The following SUGCT variants were observed in gnomAD, a reference collection of about 807,000 sequenced individuals.
The protein encoded by SUGCT is succinyl-CoA:glutarate CoA-transferase.
Under a neutral mutation model 55.0 loss-of-function variants are expected in SUGCT, and 41 were observed. The ratio of observed to expected loss-of-function variants is 0.74; its 90% CI spans 0.58 to 0.97. SUGCT has a LOEUF of 0.97. Among genes scored for constraint, SUGCT ranks in the 50% least tolerant of loss-of-function variants. The pLI is 0.00. For synonymous variants in SUGCT, 187 were observed against 200.4 expected (o/e 0.93, Z 0.56); for missense variants, 568 against 547.8 (o/e 1.04, Z -0.37).
intron 1 of SUGCT, among the ~76,000 whole-genome samples, chr7:40,141,133 C>T (rs528454981): frequency 2.7e-5 from 4 of 150,882 alleles, no homozygotes; most frequent in Non-Finnish European, 2.9e-5. Flanking sequence ...TTCTTGGTTT[C>T]GTCCTCGGGT....
At chr7:40,141,477 A>G (rs1489440713) in intron 1 of SUGCT, among the ~76,000 whole-genome samples, 1 of 151,974 alleles carries the variant, frequency 6.6e-6, no homozygotes, top group East Asian at 1.9e-4. Context: ...TAGTAAAAAT[A>G]CAAAAAAATA....
chr7:40,240,264 A>G (rs1161112908), intron 7 of SUGCT, among the ~76,000 whole-genome samples: 1 of 152,102 alleles, frequency 6.6e-6, no homozygotes, highest in African/African-American at 2.4e-5. Flanking sequence ...TGGGCGGGTC[A>G]CCTGAGTTCG....
intron 9 of SUGCT, among the ~76,000 whole-genome samples, chr7:40,442,200 C>T (rs1172873181): frequency 2.0e-5 from 3 of 152,132 alleles, no homozygotes. Context: ...CAAGTCCCTT[C>T]TCTAATGCTA....
intron 12 of SUGCT, among the ~76,000 whole-genome samples, chr7:40,748,605 A>G (rs977682257): frequency 6.6e-6 from 1 of 151,788 alleles, no homozygotes; most frequent in Non-Finnish European, 1.5e-5. Context: ...ATAAGAATTT[A>G]TAAAAATATA....
At chr7:40,135,515 A>G (rs1787634831) in intron 1 of SUGCT, among the ~76,000 whole-genome samples, 1 of 152,262 alleles carries the variant, frequency 6.6e-6, no homozygotes, top group Non-Finnish European at 1.5e-5. Context: ...ATGTACAATA[A>G]AAGATGCCCT....
At chr7:40,279,148 G>T (rs889936417) in intron 8 of SUGCT, among the ~76,000 whole-genome samples, 2 of 151,930 alleles carry the variant, frequency 1.3e-5, no homozygotes, top group African/African-American at 4.8e-5. Flanking sequence ...GATCTTACCA[G>T]ATCTTACATT....
At chr7:40,492,057 T>A (rs1791713382) in intron 11 of SUGCT, among the ~76,000 whole-genome samples, 1 of 151,906 alleles carries the variant, frequency 6.6e-6, no homozygotes, top group African/African-American at 2.4e-5. Context: ...TCACAAGAAC[T>A]CCAGGTAGAA....
chr7:40,662,375 T>C (rs1801372838), intron 12 of SUGCT, among the ~76,000 whole-genome samples: 1 of 152,228 alleles, frequency 6.6e-6, no homozygotes, highest in South Asian at 2.1e-4. Flanking sequence ...GTCAGACTGC[T>C]ATTTTAAAGA....
At chr7:40,314,600 C>T (rs1326569863) in intron 8 of SUGCT, among the ~76,000 whole-genome samples, 4 of 132,070 alleles carry the variant, frequency 3.0e-5, no homozygotes, top group African/African-American at 8.2e-5. Context: ...GTTTCGCTCT[C>T]GTTGCCGAGG....
At chr7:40,439,592 G>C (rs1788388044) in intron 9 of SUGCT, among the ~76,000 whole-genome samples, 1 of 152,142 alleles carries the variant, frequency 6.6e-6, no homozygotes, top group Admixed American at 6.5e-5. Flanking sequence ...TGTGTTAACT[G>C]GTCCCGGTGC....
At chr7:40,496,049 A>G (rs1299876518) in intron 11 of SUGCT, among the ~76,000 whole-genome samples, 2 of 152,184 alleles carry the variant, frequency 1.3e-5, no homozygotes, top group East Asian at 3.8e-4. Context: ...AATAGGAAGA[A>G]TTACATCTCT....
chr7:40,944,351 T>C, the SUGCT span, among the ~76,000 whole-genome samples: 12 of 151,544 alleles, frequency 7.9e-5, no homozygotes, highest in African/African-American at 2.9e-4. Flanking sequence ...ATGAAGTCCT[T>C]GCCCATGCCT....
chr7:40,752,492 A>G (rs1562981886), intron 13 of SUGCT, among the ~76,000 whole-genome samples: 1 of 152,130 alleles, frequency 6.6e-6, no homozygotes, highest in Non-Finnish European at 1.5e-5. Context: ...AGTAGCTGGG[A>G]TTACAGGGAC....
intron 11 of SUGCT, among the ~76,000 whole-genome samples, chr7:40,484,003 T>C (rs1315940172): frequency 6.6e-6 from 1 of 152,216 alleles, no homozygotes; most frequent in African/African-American, 2.4e-5. Context: ...AAGTAAATGA[T>C]ATTTACTGTT....
chr7:40,445,260 TAAA>T (rs1788755751), intron 9 of SUGCT, among the ~76,000 whole-genome samples: 1 of 151,556 alleles, frequency 6.6e-6, no homozygotes, highest in East Asian at 1.9e-4. Flanking sequence ...GCAAGACTAA[TAAA>T]GAAGAAAAAA....
the SUGCT span, among the ~76,000 whole-genome samples, chr7:41,022,096 A>G: frequency 1.3e-5 from 2 of 152,196 alleles, no homozygotes; most frequent in African/African-American, 4.8e-5. Flanking sequence ...TCTGAGATGT[A>G]GAAAGCTCAA....
rs1315998671 is a variant in SUGCT at position 40,848,850 on chromosome 7, T to C, written c.1154-11466T>C. ...CACCATTCCATGCTAGTTAAATAGC[T>C]TTCTCTGTTTTTATATCACATCTAA... is the stretch of plus-strand genomic sequence containing the variant. On this transcript the variant is annotated intron_variant, in intron 13 of 13. Transcript: ENST00000335693. 2.0e-5 allele frequency among the ~76,000 whole-genome samples: 3 copies of C among 152,192 alleles called. No individual in the cohort carries two copies. The East Asian group carries it at 5.8e-4, about 29-fold the overall frequency.
chr7:40,792,946 A>G (rs1790385720), intron 13 of SUGCT, among the ~76,000 whole-genome samples: 1 of 152,146 alleles, frequency 6.6e-6, no homozygotes. Flanking sequence ...TATTCAGTAG[A>G]TCAGGCACAG....
intron 6 of SUGCT, among the ~76,000 whole-genome samples, chr7:40,231,985 C>CTTGGG (rs1181517516): frequency 3.9e-5 from 6 of 152,088 alleles, no homozygotes; most frequent in African/African-American, 4.8e-5. Flanking sequence ...CCTGTGGTCA[C>CTTGGG]AGTTACTTGG....
Sources: allele counts gnomAD v4.1 joint callset (sites outside exome capture counted in the v4.1 genomes callset), GRCh38; gene constraint gnomAD v4.1.1; transcripts MANE v1.5; gene names NCBI Gene and HGNC (gene_info 2026-07-23, HGNC 2026-07-21).